SYBU: variants seen among roughly 807,000 people sequenced by gnomAD.
SYBU encodes GOLSYN A protein.
A neutral mutation model predicts 35.9 loss-of-function variants in SYBU; 21 were observed. That is an observed-to-expected ratio of 0.58 (90% confidence interval 0.41 to 0.84). The LOEUF is 0.84. Among genes scored for constraint, SYBU ranks in the 40% least tolerant of loss-of-function variants. The pLI is 0.00. For missense variants in SYBU, 768 were observed against 848.2 expected, an observed-to-expected ratio of 0.91 and a Z score of 1.17; for synonymous variants, 319 against 324.3, an observed-to-expected ratio of 0.98 and a Z score of 0.18.
chr8:109,683,058 G>C (rs1817437702), upstream of SYBU, among the ~76,000 whole-genome samples: 1 of 152,246 alleles, frequency 6.6e-6, no homozygotes, highest in Admixed American at 6.5e-5. Context: ...CCAGGGAGAA[G>C]TTTGCTGCTA....
chr8:109,672,058 T>C (rs564897212), intron 1 of SYBU, among the ~76,000 whole-genome samples: 8 of 152,220 alleles, frequency 5.3e-5, no homozygotes, highest in African/African-American at 1.9e-4. Flanking sequence ...TGTGCCACCA[T>C]GCCCAGCTAA....
chr8:109,586,456 G>T, intron 3 of SYBU: 1 of 356,134 alleles, frequency 2.8e-6, no homozygotes, highest in Non-Finnish European at 5.1e-6. Flanking sequence ...GAAATGCACT[G>T]TTCTCCCGTA....
At chr8:109,664,050 A>C (rs561426337) in intron 1 of SYBU, among the ~76,000 whole-genome samples, 1 of 152,374 alleles carries the variant, frequency 6.6e-6, no homozygotes, top group South Asian at 2.1e-4. Context: ...TAATTATGAT[A>C]ATTTCTGGCT....
chr8:109,606,386 G>A (rs1201226328), intron 3 of SYBU, among the ~76,000 whole-genome samples: 2 of 152,018 alleles, frequency 1.3e-5, no homozygotes, highest in African/African-American at 4.8e-5. Flanking sequence ...TTATGTGAGG[G>A]GTACTCTTAC....
At chr8:109,635,153 A>G (rs1814078357) in intron 2 of SYBU, among the ~76,000 whole-genome samples, 1 of 152,164 alleles carries the variant, frequency 6.6e-6, no homozygotes, top group South Asian at 2.1e-4. Flanking sequence ...TCTCTTGCTC[A>G]CCACCAATTT....
At chr8:109,611,360 C>G (rs1047771834) in intron 3 of SYBU, among the ~76,000 whole-genome samples, 3 of 152,174 alleles carry the variant, frequency 2.0e-5, no homozygotes, top group Non-Finnish European at 4.4e-5. Flanking sequence ...GGCCATTTGG[C>G]ACCATTACAT....
At chr8:109,610,225 C>G (rs143576289) in intron 3 of SYBU, among the ~76,000 whole-genome samples, 3 of 152,318 alleles carry the variant, frequency 2.0e-5, no homozygotes, top group East Asian at 3.9e-4. Context: ...CTGAACTTAT[C>G]TTGTTTGTGT....
chr8:109,579,801 C>A lies in SYBU; in HGVS notation c.732G>T (p.Met244Ile). The A allele has an allele frequency of 6.2e-7, 1 of 1,613,920 alleles. No individual in the cohort carries two copies. The highest frequency in any genetic ancestry group is 2.2e-5 in the East Asian group (1 of 44,876). Residue 244 changes from methionine to isoleucine, a missense_variant and splice_region_variant, in exon 5 of 7, where the codon ATG becomes ATT. By Grantham distance (10) the Met-to-Ile change is conservative. Coordinates refer to ENST00000276646, the MANE Select transcript of SYBU (RefSeq NM_001099754.2). ...TGAATTAGGTGAGCAGGACTCACCT[C>A]ATGATGGGGCTACAGTCGCTTCCTT... ...SYKGSDCSPI[M>I]RRSGRYMSCG... is the part of the protein sequence containing the mutation.
At chr8:109,602,767 A>G (rs896505673) in intron 3 of SYBU, among the ~76,000 whole-genome samples, 10 of 152,298 alleles carry the variant, frequency 6.6e-5, no homozygotes, top group African/African-American at 2.4e-4. Flanking sequence ...TCAATACAAT[A>G]AAACAAATAA....
chr8:109,686,994 A>T (rs1817532303), intron 1 of SYBU, among the ~76,000 whole-genome samples: 1 of 152,196 alleles, frequency 6.6e-6, no homozygotes, highest in Non-Finnish European at 1.5e-5. Flanking sequence ...TGAATTAAAT[A>T]TTATGATAAT....
intron 5 of SYBU, among the ~76,000 whole-genome samples, chr8:109,578,624 G>A (rs182536815): frequency 2.0e-5 from 3 of 152,290 alleles, no homozygotes; most frequent in East Asian, 1.9e-4. Context: ...GACCGTGGAG[G>A]AGGAGAATTC....
At chr8:109,681,845 G>A (rs2130784556), upstream of SYBU, among the ~76,000 whole-genome samples, 1 of 152,234 alleles carries the variant, frequency 6.6e-6, no homozygotes, top group African/African-American at 2.4e-5. Flanking sequence ...CTGGTGGGAG[G>A]TAATTGAATC....
chr8:109,660,048 A>C (rs1271727970), intron 1 of SYBU, among the ~76,000 whole-genome samples: 1 of 152,156 alleles, frequency 6.6e-6, no homozygotes, highest in African/African-American at 2.4e-5. Flanking sequence ...TCTAATTTTG[A>C]GCCATCTTCT....
chr8:109,653,571 A>G (rs1816237027), intron 1 of SYBU, among the ~76,000 whole-genome samples: 1 of 152,172 alleles, frequency 6.6e-6, no homozygotes, highest in Non-Finnish European at 1.5e-5. Context: ...ATGACACTGC[A>G]TGCTCTTGCT....
chr8:109,613,602 G>A (rs549927636), intron 3 of SYBU, among the ~76,000 whole-genome samples: 2 of 152,050 alleles, frequency 1.3e-5, no homozygotes, highest in East Asian at 3.9e-4. Flanking sequence ...AACCTGGGGA[G>A]AGGCTGTGTA....
At chr8:109,611,484 T>TG (rs1169023392) in intron 3 of SYBU, among the ~76,000 whole-genome samples, 1 of 152,208 alleles carries the variant, frequency 6.6e-6, no homozygotes, top group African/African-American at 2.4e-5. Flanking sequence ...TTTATTTTAC[T>TG]GGTTTGGTCC....
Position 109,574,927 on chromosome 8 carries a change from G to A in SYBU, c.1971C>T (p.Thr657=), listed in dbSNP as rs764842981. 5.3e-6 allele frequency: 8 copies of A among 1,514,106 alleles called. No homozygotes were observed. The highest frequency in any genetic ancestry group is 2.3e-5 in the Admixed American group (1 of 44,148). The allele number at this position is 1,514,106 out of a possible 1,614,324, so 93.8% of individuals were successfully genotyped here. The change falls in exon 7 of 7, where the codon ACC becomes ACT. Residue 657 remains threonine (T), a synonymous_variant. Transcript: ENST00000276646. ...CTATTTAGGTTTTGATACGGAAGGC[G>A]GTGCGGCGGAGCGAATGCAGGGCAA... The part of the protein sequence containing the change: ...CVVALHSLRR[T]AFRIKT
At chr8:109,586,706 C>T (rs1823662074) in intron 3 of SYBU, among the ~76,000 whole-genome samples, 1 of 152,170 alleles carries the variant, frequency 6.6e-6, no homozygotes, top group African/African-American at 2.4e-5. Context: ...AGGTGACTTT[C>T]TCTGACTGCA....
At position 109,677,636 on chromosome 8, in the gene SYBU, T is replaced by G. The variant is rs1305171569; in HGVS notation, c.-129+3075A>C. ...GAAAACTAACATATTAAATACCCAC[T>G]GTATGTGAGGCACTGTGCTAGACTT... On this transcript the variant is annotated intron_variant, in intron 1 of 5. Coordinates refer to the SYBU transcript ENST00000408889. Among the ~76,000 whole-genome samples, 3 of 152,170 alleles carry G rather than the reference T, an allele frequency of 2.0e-5. No individual in the cohort carries two copies. In the East Asian group the frequency reaches 5.8e-4, roughly 29 times the overall value.
Sources: gnomAD v4.1 joint callset for allele counts (sites outside exome capture counted in the v4.1 genomes callset) on GRCh38, gnomAD v4.1.1 for gene constraint, MANE v1.5 for transcripts, NCBI Gene and HGNC (gene_info 2026-07-23, HGNC 2026-07-21) for gene names.